CTNND2: variants seen among roughly 807,000 people sequenced by gnomAD.
CTNND2 encodes catenin delta 2.
CTNND2 carries 22 observed loss-of-function variants against 144.4 expected under a neutral mutation model. That is an observed-to-expected ratio of 0.15 (90% CI 0.11 to 0.22). The LOEUF (loss-of-function observed/expected upper bound fraction) is 0.22. Among genes scored for constraint, CTNND2 ranks in the 10% least tolerant of loss-of-function variants. The probability of loss-of-function intolerance (pLI) is 1.00; values close to 1 mark genes in which losing one functional copy is unlikely to be tolerated. For missense variants in CTNND2, 1,353 were observed against 1,618.8 expected, an observed-to-expected ratio of 0.84 and a Z score of 2.82; for synonymous variants, 751 against 695.6, an observed-to-expected ratio of 1.08 and a Z score of -1.25.
At chr5:11,872,955 T>C (rs1168292490) in intron 1 of CTNND2, among the ~76,000 whole-genome samples, 3 of 152,164 alleles carry the variant, frequency 2.0e-5, no homozygotes, top group Non-Finnish European at 1.5e-5. Context: ...ACTTCATGAC[T>C]AAAACACCAA....
intron 2 of CTNND2, among the ~76,000 whole-genome samples, chr5:11,634,175 G>A (rs1781563487): frequency 6.6e-6 from 1 of 152,200 alleles, no homozygotes; most frequent in African/African-American, 2.4e-5. Flanking sequence ...ATACTCATCA[G>A]AAAGAGAGAA....
chr5:11,458,141 C>T (rs774279942), intron 3 of CTNND2, among the ~76,000 whole-genome samples: 5 of 152,180 alleles, frequency 3.3e-5, no homozygotes, highest in Non-Finnish European at 7.3e-5. Flanking sequence ...CTAAGTCGTT[C>T]AACTCCTCAC....
At chr5:11,885,995 C>T (rs1736500876) in intron 1 of CTNND2, among the ~76,000 whole-genome samples, 1 of 151,842 alleles carries the variant, frequency 6.6e-6, no homozygotes, top group Non-Finnish European at 1.5e-5. Flanking sequence ...GGAAACACAA[C>T]ACAACATACC....
chr5:11,352,806 A>G (rs1755460640), intron 8 of CTNND2, among the ~76,000 whole-genome samples: 1 of 152,202 alleles, frequency 6.6e-6, no homozygotes, highest in East Asian at 1.9e-4. Flanking sequence ...AATAGCTACT[A>G]CTATTTCTAA....
chr5:11,355,381 T>C lies in CTNND2; in HGVS notation c.1373-8754A>G, dbSNP rs895073689. Among the ~76,000 whole-genome samples, 4 of 152,124 alleles carry C rather than the reference T, an allele frequency of 2.6e-5. No individual in the cohort carries two copies. The East Asian group carries it at 7.7e-4, about 29-fold the overall frequency. Reference sequence around the variant, plus strand: ...TACATGTAAATAAATAAATGTGATATATCACATTAACAGAACCAAGGATAA... The same window carrying C: ...TACATGTAAATAAATAAATGTGATACATCACATTAACAGAACCAAGGATAA... On this transcript the variant is annotated intron_variant, in intron 8 of 21. Coordinates refer to ENST00000304623, the MANE Select transcript of CTNND2 (RefSeq NM_001332.4).
intron 16 of CTNND2, among the ~76,000 whole-genome samples, chr5:11,045,204 T>C (rs990381151): frequency 1.1e-4 from 16 of 152,178 alleles, no homozygotes; most frequent in Admixed American, 7.9e-4. Context: ...ACTGGGTAAT[T>C]CGTAAAGAAA....
At chr5:11,867,168 G>A (rs188443230) in intron 1 of CTNND2, among the ~76,000 whole-genome samples, 4 of 152,356 alleles carry the variant, frequency 2.6e-5, no homozygotes, top group African/African-American at 9.6e-5. Context: ...GCCAGGGACA[G>A]TTTCAACAAG....
At chr5:11,241,913 T>A (rs891310624) in intron 9 of CTNND2, among the ~76,000 whole-genome samples, 2 of 149,352 alleles carry the variant, frequency 1.3e-5, no homozygotes, top group Admixed American at 1.3e-4. Context: ...CCTGCCAAGG[T>A]GTGGAGTCAC....
intron 10 of CTNND2, among the ~76,000 whole-genome samples, chr5:11,206,536 C>G (rs1289835125): frequency 6.6e-6 from 1 of 152,156 alleles, no homozygotes; most frequent in Non-Finnish European, 1.5e-5. Flanking sequence ...TCTATCACTT[C>G]GTGTAAATTT....
At chr5:11,291,800 G>A (rs1270918248) in intron 9 of CTNND2, among the ~76,000 whole-genome samples, 3 of 152,114 alleles carry the variant, frequency 2.0e-5, no homozygotes, top group African/African-American at 7.2e-5. Context: ...GGCAATAAAT[G>A]TCTGTGGAAT....
At chr5:11,122,595 C>A (rs970994428) in intron 12 of CTNND2, among the ~76,000 whole-genome samples, 5 of 152,030 alleles carry the variant, frequency 3.3e-5, no homozygotes, top group African/African-American at 1.2e-4. Context: ...CATCAGGTGG[C>A]CCAGCCCTTC....
At chr5:11,001,165 G>C (rs1259501409) in intron 18 of CTNND2, among the ~76,000 whole-genome samples, 2 of 152,132 alleles carry the variant, frequency 1.3e-5, no homozygotes, top group Admixed American at 1.3e-4. Context: ...CCCCACCTTT[G>C]ATCAGGCAGC....
At chr5:11,000,632 T>C (rs1408899509) in intron 18 of CTNND2, among the ~76,000 whole-genome samples, 3 of 152,202 alleles carry the variant, frequency 2.0e-5, no homozygotes, top group Non-Finnish European at 4.4e-5. Context: ...ACTATTCTCA[T>C]GAATATCTTT....
At chr5:11,039,882 C>T (rs887868463) in intron 16 of CTNND2, among the ~76,000 whole-genome samples, 3 of 151,910 alleles carry the variant, frequency 2.0e-5, no homozygotes, top group Non-Finnish European at 4.4e-5. Context: ...GCCAACATGA[C>T]GAAACCCCAT....
intron 17 of CTNND2, among the ~76,000 whole-genome samples, chr5:11,021,098 C>T (rs190038677): frequency 1.4e-4 from 21 of 152,196 alleles, no homozygotes; most frequent in South Asian, 4.1e-4. Flanking sequence ...ATGGTTTCTT[C>T]GAGTGATTTG....
chr5:11,424,684 G>A (rs1343362066), intron 3 of CTNND2, among the ~76,000 whole-genome samples: 1 of 152,106 alleles, frequency 6.6e-6, no homozygotes, highest in Non-Finnish European at 1.5e-5. Flanking sequence ...AAAAATTAGA[G>A]GAAAGTGGTT....
At chr5:11,888,873 T>A (rs1439793089) in intron 1 of CTNND2, among the ~76,000 whole-genome samples, 2 of 151,762 alleles carry the variant, frequency 1.3e-5, no homozygotes, top group Admixed American at 6.6e-5. Context: ...TGCCTCAATC[T>A]CCTGAGTAAC....
intron 3 of CTNND2, among the ~76,000 whole-genome samples, chr5:11,433,418 G>C (rs895103876): frequency 6.6e-6 from 1 of 152,164 alleles, no homozygotes; most frequent in Non-Finnish European, 1.5e-5. Context: ...TGTCAGCAAG[G>C]CTGTTGTATC....
At chr5:11,223,614 G>A (rs752479081) in intron 10 of CTNND2, among the ~76,000 whole-genome samples, 13 of 152,162 alleles carry the variant, frequency 8.5e-5, no homozygotes, top group Non-Finnish European at 1.5e-4. Context: ...TGGTCCTGGG[G>A]GAGCCATATC....
Sources: allele counts gnomAD v4.1 joint callset (sites outside exome capture counted in the v4.1 genomes callset), GRCh38; gene constraint gnomAD v4.1.1; transcripts MANE v1.5; gene names NCBI Gene and HGNC (gene_info 2026-07-23, HGNC 2026-07-21).